Variants in AFF1 observed in about 807,000 individuals in gnomAD.
AFF1 encodes ALF transcription elongation factor 1, also known as AF4/FMR2 family member 1.
Under a neutral mutation model 121.7 loss-of-function variants are expected in AFF1, and 48 were observed. That is an observed-to-expected ratio of 0.39 (90% CI 0.31 to 0.50). The LOEUF is 0.50. Among genes scored for constraint, AFF1 ranks in the 20% least tolerant of loss-of-function variants. The pLI is 0.76. For missense variants in AFF1, 1,523 were observed against 1,511.7 expected, an observed-to-expected ratio of 1.01 and a Z score of -0.12; for synonymous variants, 613 against 563.0, an observed-to-expected ratio of 1.09 and a Z score of -1.26.
At chr4:87,056,216 A>G (rs1720125886) in intron 4 of AFF1, among the ~76,000 whole-genome samples, 5 of 152,070 alleles carry the variant, frequency 3.3e-5, no homozygotes. Flanking sequence ...TAGAGGTCCT[A>G]TTTCTAGCTC....
intron 4 of AFF1, among the ~76,000 whole-genome samples, chr4:87,071,287 G>A (rs1346078768): frequency 6.6e-6 from 1 of 151,650 alleles, no homozygotes; most frequent in African/African-American, 2.4e-5. Context: ...ACAACTGTTG[G>A]ACATTGAGAT....
intron 2 of AFF1, among the ~76,000 whole-genome samples, chr4:87,040,872 T>C (rs1409451607): frequency 6.2e-5 from 2 of 32,394 alleles, no homozygotes; most frequent in Non-Finnish European, 1.0e-4. Flanking sequence ...CATGCCCTGC[T>C]TTTTTTTTTT....
intron 2 of AFF1, among the ~76,000 whole-genome samples, chr4:86,951,314 A>G (rs530669273): frequency 6.6e-6 from 1 of 151,568 alleles, no homozygotes; most frequent in East Asian, 1.9e-4. Flanking sequence ...CAGAGCTCCT[A>G]TCTAATTTCC....
Position 87,137,220 on chromosome 4 carries a change from CT to C in AFF1, c.*1524del. On this transcript the variant is annotated 3_prime_UTR_variant, in exon 21 of 21. Transcript: ENST00000395146. Reference sequence around the variant, plus strand: ...CAATTGAGGAGTGTCATCTCTATAACTTTTTCTCCGCCTTTGTCCCATTCTG... The same window carrying C: ...CAATTGAGGAGTGTCATCTCTATAACTTTTCTCCGCCTTTGTCCCATTCTG... 1 of 228,226 alleles carries C rather than the reference CT, an allele frequency of 4.4e-6. No homozygotes were observed. The highest frequency in any genetic ancestry group is 8.7e-6 in the Non-Finnish European group (1 of 114,718). The allele number at this position is 228,226 out of a possible 1,614,324, so 14.1% of individuals were successfully genotyped here. A position where few individuals can be genotyped will look rare whatever the true frequency, so the allele number is the denominator to read the frequency against.
intron 2 of AFF1, among the ~76,000 whole-genome samples, chr4:87,016,551 CAAAA>C (rs59972369): frequency 5.6e-5 from 5 of 88,740 alleles, no homozygotes; most frequent in African/African-American, 1.2e-4. Flanking sequence ...GACTCTGTCT[CAAAA>C]AAAAAAAAAA....
At chr4:87,084,214 G>C (rs1036716614) in intron 5 of AFF1, 50 bp downstream of exon 5, 4 of 1,566,416 alleles carry the variant, frequency 2.6e-6, no homozygotes, top group African/African-American at 2.7e-5. Context: ...TAAGTAGGTA[G>C]GCGTACATCC....
intron 4 of AFF1, 97 bp downstream of exon 4, chr4:87,047,691 A>C (rs763808395): frequency 6.6e-7 from 1 of 1,520,736 alleles, no homozygotes; most frequent in African/African-American, 1.4e-5. Context: ...AGGTTAGTCC[A>C]TGGCTTTTGG....
chr4:87,004,356 T>C (rs555415015), intron 2 of AFF1, among the ~76,000 whole-genome samples: 55 of 152,344 alleles, frequency 3.6e-4, no homozygotes, highest in Middle Eastern at 3.4e-3. Context: ...ATTTTAGATA[T>C]TATTTACTAC....
intron 4 of AFF1, among the ~76,000 whole-genome samples, chr4:87,060,787 C>T (rs937846817): frequency 9.2e-5 from 12 of 129,734 alleles, no homozygotes; most frequent in African/African-American, 2.9e-4. Context: ...TGCAGTGAGC[C>T]GAGATCACGC....
Position 87,046,138 on chromosome 4 carries a change from T to G in AFF1, c.39-28T>G. The G allele has an allele frequency of 1.9e-6, 3 of 1,606,594 alleles. No individual in the cohort carries two copies. In the South Asian group the frequency reaches 3.3e-5, roughly 18 times the overall value. On this transcript the variant is annotated intron_variant, in intron 2 of 20. Transcript: ENST00000395146. ...CTTGGAGACTGATAAATTTTATTGTTTTCATTCTTTTGTGGCATCTGAAAC... is the reference window on the plus strand; with the variant it reads ...CTTGGAGACTGATAAATTTTATTGTGTTCATTCTTTTGTGGCATCTGAAAC...
At chr4:87,016,542 ACT>A (rs1218932765) in intron 2 of AFF1, among the ~76,000 whole-genome samples, 1 of 149,028 alleles carries the variant, frequency 6.7e-6, no homozygotes, top group Non-Finnish European at 1.5e-5. Flanking sequence ...ACAGAGTCAG[ACT>A]CTGTCTCAAA....
At chr4:87,094,691 A>G (rs558480464) in intron 7 of AFF1, among the ~76,000 whole-genome samples, 2 of 152,336 alleles carry the variant, frequency 1.3e-5, no homozygotes, top group African/African-American at 2.4e-5. Flanking sequence ...TAGGTAGGGT[A>G]TGCTGCAAGC....
intron 2 of AFF1, among the ~76,000 whole-genome samples, chr4:87,011,934 G>A (rs995964341): frequency 2.0e-5 from 3 of 152,204 alleles, no homozygotes; most frequent in Middle Eastern, 3.2e-3. Context: ...ACCATACCGT[G>A]AAAAGATATT....
intron 2 of AFF1, among the ~76,000 whole-genome samples, chr4:86,964,435 C>CT (rs567637293): frequency 0.042 from 5,403 of 127,472 alleles, 379 homozygotes; most frequent in African/African-American, 0.14. Context: ...TTCTATACAT[C>CT]TTTTTTTTTT....
At chr4:86,995,232 CAAAA>C in intron 2 of AFF1, among the ~76,000 whole-genome samples, 1 of 149,446 alleles carries the variant, frequency 6.7e-6, no homozygotes, top group South Asian at 2.1e-4. Flanking sequence ...GACCTTTTCT[CAAAA>C]AACAAACAGG....
intron 2 of AFF1, among the ~76,000 whole-genome samples, chr4:87,018,846 T>C (rs1368615523): frequency 1.3e-5 from 2 of 152,166 alleles, no homozygotes; most frequent in African/African-American, 4.8e-5. Context: ...ATTAAACAAG[T>C]GTTGAAAAGA....
intron 2 of AFF1, among the ~76,000 whole-genome samples, chr4:87,011,130 C>A (rs940379559): frequency 4.0e-5 from 6 of 151,186 alleles, no homozygotes; most frequent in Non-Finnish European, 8.8e-5. Flanking sequence ...CACCTGAGAA[C>A]CCCTGGCCCT....
At chr4:87,116,639 C>T (rs900105515) in intron 12 of AFF1, among the ~76,000 whole-genome samples, 2 of 152,112 alleles carry the variant, frequency 1.3e-5, no homozygotes, top group South Asian at 2.1e-4. Context: ...ACGACTTTAC[C>T]GAATAGTAAA....
rs1726204625 is a variant in AFF1, at chr4:87,007,039, A to AGGCGTTG, written c.39-39122_39-39116dup. ...GGCCCGCGTTGTGCTGTTGCTGGGC[A>AGGCGTTG]GGCGTTGGGCGCCGGCGGTCTTCGA... On this transcript the variant is annotated intron_variant, in intron 2 of 20. Transcript: ENST00000395146. The AGGCGTTG allele has an allele frequency of 1.6e-5, 19 of 1,172,812 alleles. No homozygotes were observed. The South Asian group carries it at 4.9e-4, about 30-fold the overall frequency. 72.7% of individuals were successfully genotyped at this position (1,172,812 alleles called of 1,614,324 possible). A position where few individuals can be genotyped will look rare whatever the true frequency, so the allele number is the denominator to read the frequency against.
Sources: gnomAD v4.1 joint callset for allele counts (sites outside exome capture counted in the v4.1 genomes callset) on GRCh38, gnomAD v4.1.1 for gene constraint, MANE v1.5 for transcripts, NCBI Gene and HGNC (gene_info 2026-07-23, HGNC 2026-07-21) for gene names.